The following CAMTA1 variants were observed in gnomAD, a reference collection of about 807,000 sequenced individuals.
CAMTA1 encodes calmodulin-binding transcription activator 1.
In CAMTA1, 27 loss-of-function variants were observed where a neutral mutation model predicts 170.9. The observed-to-expected ratio is 0.16, with a 90% CI of 0.12 to 0.22. CAMTA1 has a LOEUF of 0.22. Among genes scored for constraint, CAMTA1 ranks in the 10% least tolerant of loss-of-function variants. The pLI, the probability that CAMTA1 is intolerant of heterozygous loss-of-function variation, is 1.00. For synonymous variants in CAMTA1, 833 were observed against 891.5 expected, an observed-to-expected ratio of 0.93 and a Z score of 1.17; for missense variants, 1,619 against 2,217.2, an observed-to-expected ratio of 0.73 and a Z score of 5.42.
At chr1:7,519,662 G>A (rs746007895) in intron 6 of CAMTA1, among the ~76,000 whole-genome samples, 10 of 151,762 alleles carry the variant, frequency 6.6e-5, no homozygotes, top group Non-Finnish European at 1.5e-4. Flanking sequence ...GCTTCAGGCC[G>A]CATACACAGC....
At chr1:7,158,327 C>T (rs1016022088) in intron 4 of CAMTA1, among the ~76,000 whole-genome samples, 2 of 152,150 alleles carry the variant, frequency 1.3e-5, no homozygotes, top group Non-Finnish European at 2.9e-5. Context: ...ATGATCCTAA[C>T]CATGGCTTCC....
At chr1:7,689,931 G>A (rs2096292104) in intron 11 of CAMTA1, among the ~76,000 whole-genome samples, 1 of 152,168 alleles carries the variant, frequency 6.6e-6, no homozygotes. Context: ...GCCGAGTTGG[G>A]CGTATCACCT....
chr1:7,575,125 T>G (rs992512160), intron 6 of CAMTA1, among the ~76,000 whole-genome samples: 1 of 152,180 alleles, frequency 6.6e-6, no homozygotes, highest in Non-Finnish European at 1.5e-5. Flanking sequence ...AAATAACTCA[T>G]GTTGGGTGCT....
At chr1:6,888,664 C>T (rs973447136) in intron 3 of CAMTA1, among the ~76,000 whole-genome samples, 1 of 152,182 alleles carries the variant, frequency 6.6e-6, no homozygotes, top group Non-Finnish European at 1.5e-5. Context: ...ATAGAGGAAA[C>T]TTGGAGGCGA....
chr1:7,519,316 G>T (rs1455615474), intron 6 of CAMTA1, among the ~76,000 whole-genome samples: 1 of 151,932 alleles, frequency 6.6e-6, no homozygotes, highest in Non-Finnish European at 1.5e-5. Flanking sequence ...GGAAGTCTTA[G>T]CCAGACCTGG....
chr1:7,448,044 G>A (rs1171304959), intron 5 of CAMTA1, among the ~76,000 whole-genome samples: 1 of 152,226 alleles, frequency 6.6e-6, no homozygotes, highest in Non-Finnish European at 1.5e-5. Flanking sequence ...AGGTCAGCGG[G>A]TGCTCCTCTG....
rs147157524 is a variant in CAMTA1, at chr1:7,521,009, A to C, written c.510+53108A>C. The stretch of plus-strand genomic sequence containing the variant: ...TAGTGGTTCCCAAATACTTGTCTTC[A>C]ATCCTGTATTGCTTGTGATGAAACT... On this transcript the variant is annotated intron_variant, in intron 6 of 22. Coordinates refer to ENST00000303635, the MANE Select transcript of CAMTA1 (RefSeq NM_015215.4). Among the ~76,000 whole-genome samples the C allele has an allele frequency of 6.6e-3, 1,009 of 152,280 alleles. 14 individuals carry two copies. Among genetic ancestry groups the C allele is most frequent in the African/African-American group, 0.023 (968 of 41,550 alleles).
chr1:7,625,181 T>C lies in CAMTA1; in HGVS notation c.511-15219T>C, dbSNP rs112474534. Among the ~76,000 whole-genome samples the C allele has an allele frequency of 8.5e-3, 1,295 of 152,228 alleles. 8 individuals carry two copies. The highest frequency in any genetic ancestry group is 0.024 in the South Asian group (116 of 4,820). ...CAGAGCTGGGACTTGGGAAGATGGC[T>C]CTGAGAGTTGGATGGGAGTGCCTGG... On this transcript the variant is annotated intron_variant, in intron 6 of 22. Transcript: ENST00000303635.
intron 5 of CAMTA1, among the ~76,000 whole-genome samples, chr1:7,334,352 A>G (rs2083219082): frequency 6.6e-6 from 1 of 152,226 alleles, no homozygotes; most frequent in Admixed American, 6.5e-5. Flanking sequence ...TTTTCGGGAC[A>G]GTTTTGGTTT....
rs201060099 is a variant in CAMTA1, at chr1:7,663,826, G to A, written c.1279G>A (p.Ala427Thr). 1.9e-5 allele frequency: 30 copies of A among 1,614,054 alleles called. No homozygotes were observed. The highest frequency in any genetic ancestry group is 1.8e-4 in the Admixed American group (11 of 60,024). Residue 427 changes from alanine (A) to threonine (T), a missense_variant, in exon 9 of 23, where the codon GCC becomes ACC. Ala to Thr is a moderately conservative substitution (Grantham distance 58). This residue lies in a region of CAMTA1 where 731 missense variants were observed against 907.6 expected (regional missense o/e 0.81). Coordinates refer to ENST00000303635, the MANE Select transcript of CAMTA1 (RefSeq NM_015215.4). ...GPNHHLLSPDASQGLVLAVSS... is the reference protein window; with the variant it reads ...GPNHHLLSPDTSQGLVLAVSS... Reference sequence around the variant, plus strand: ...CAACCACCACCTCCTCTCACCTGACGCCTCTCAGGGCCTCGTCCTGGCCGT... The same window carrying A: ...CAACCACCACCTCCTCTCACCTGACACCTCTCAGGGCCTCGTCCTGGCCGT...
intron 3 of CAMTA1, among the ~76,000 whole-genome samples, chr1:6,956,162 A>C (rs1476083833): frequency 1.3e-5 from 2 of 152,208 alleles, no homozygotes; most frequent in Non-Finnish European, 2.9e-5. Context: ...CCATGGAAGC[A>C]GAGATGAACT....
intron 10 of CAMTA1, among the ~76,000 whole-genome samples, chr1:7,675,350 G>A (rs1000068641): frequency 2.2e-4 from 34 of 152,368 alleles, no homozygotes; most frequent in African/African-American, 7.5e-4. Context: ...ATAGGAAGGA[G>A]TTTGGTTTGA....
intron 3 of CAMTA1, among the ~76,000 whole-genome samples, chr1:6,841,227 G>C (rs1655565605): frequency 6.6e-6 from 1 of 152,132 alleles, no homozygotes. Context: ...AGTCCACCTG[G>C]ATAATCCAGG....
chr1:7,314,070 T>TC (rs1051034955), intron 5 of CAMTA1, among the ~76,000 whole-genome samples: 1 of 152,136 alleles, frequency 6.6e-6, no homozygotes, highest in African/African-American at 2.4e-5. Context: ...AGAAAGTTCA[T>TC]CCCCCGGGAG....
At chr1:7,304,348 T>C (rs1675262031) in intron 5 of CAMTA1, among the ~76,000 whole-genome samples, 1 of 152,244 alleles carries the variant, frequency 6.6e-6, no homozygotes, top group South Asian at 2.1e-4. Context: ...TCTAGTCTTT[T>C]GTTGTTACAA....
chr1:7,073,521 A>G (rs1280498606), intron 3 of CAMTA1, among the ~76,000 whole-genome samples: 1 of 152,114 alleles, frequency 6.6e-6, no homozygotes, highest in African/African-American at 2.4e-5. Flanking sequence ...TGTTTAGAGG[A>G]CAGGGGGATG....
intron 4 of CAMTA1, among the ~76,000 whole-genome samples, chr1:7,181,647 A>C (rs1652185289): frequency 6.6e-6 from 1 of 152,212 alleles, no homozygotes; most frequent in African/African-American, 2.4e-5. Flanking sequence ...TTAGGAATAA[A>C]CTTAGAAAGA....
chr1:7,603,866 A>T (rs2095465608), intron 6 of CAMTA1, among the ~76,000 whole-genome samples: 1 of 152,178 alleles, frequency 6.6e-6, no homozygotes, highest in South Asian at 2.1e-4. Context: ...GAGCTCTTTT[A>T]GGGCAGGCCT....
At chr1:7,639,653 G>T (rs778314742) in intron 6 of CAMTA1, among the ~76,000 whole-genome samples, 39 of 152,176 alleles carry the variant, frequency 2.6e-4, no homozygotes, top group Non-Finnish European at 4.6e-4. Context: ...TGTGCCTGTA[G>T]TCCCAGCCTC....
Sources: allele counts gnomAD v4.1 joint callset (sites outside exome capture counted in the v4.1 genomes callset), GRCh38; gene constraint gnomAD v4.1.1; regional missense constraint gnomAD v4.1.1; transcripts MANE v1.5; gene names NCBI Gene and HGNC (gene_info 2026-07-23, HGNC 2026-07-21).